ZMYND8: variants seen among roughly 807,000 people sequenced by gnomAD.
The protein encoded by ZMYND8 is MYND-type zinc finger-containing chromatin reader ZMYND8.
ZMYND8 carries 37 observed loss-of-function variants against 140.8 expected under a neutral mutation model. The observed-to-expected ratio is 0.26, with a 90% CI of 0.20 to 0.35. ZMYND8 has a LOEUF of 0.35. ZMYND8 is among the 10% of genes least tolerant of loss of function. ZMYND8 has a pLI of 1.00. For synonymous variants in ZMYND8, 592 were observed against 597.1 expected (o/e 0.99, Z 0.12); for missense variants, 1,068 against 1,570.0 (o/e 0.68, Z 5.40).
At chr20:47,213,712 G>C (rs2035630979) in intron 21 of ZMYND8, among the ~76,000 whole-genome samples, 1 of 152,254 alleles carries the variant, frequency 6.6e-6, no homozygotes, top group Admixed American at 6.5e-5. Flanking sequence ...AAGGAGGCAA[G>C]TGTTTCACTG....
At chr20:47,281,951 C>A (rs1002300304) in intron 10 of ZMYND8, 151 bp downstream of exon 10, 3 of 681,058 alleles carry the variant, frequency 4.4e-6, no homozygotes, top group African/African-American at 3.7e-5. Context: ...GCTTAACATA[C>A]CACAGGAAAT....
intron 14 of ZMYND8, among the ~76,000 whole-genome samples, chr20:47,245,793 G>C (rs2040496517): frequency 6.6e-6 from 1 of 152,190 alleles, no homozygotes; most frequent in Non-Finnish European, 1.5e-5. Flanking sequence ...CAGGTTAAAG[G>C]TAGGCAGGCC....
chr20:47,278,361 A>C (rs1158739757), intron 10 of ZMYND8, among the ~76,000 whole-genome samples: 1 of 152,264 alleles, frequency 6.6e-6, no homozygotes, highest in Non-Finnish European at 1.5e-5. Context: ...GGGACTTTGC[A>C]GAAGCAGAAA....
chr20:47,210,113 T>TA lies in ZMYND8; in HGVS notation c.*647dup, dbSNP rs1442764170. ...ATCATTTCAATCACATGAAAGAAAC[T>TA]AGCTTCTCCCTGTGTCCGTCTGGTC... On this transcript the variant is annotated 3_prime_UTR_variant, in exon 23 of 23. Coordinates refer to ENST00000471951, the MANE Select transcript of ZMYND8 (RefSeq NM_001281775.3). 6.5e-5 allele frequency: 10 copies of TA among 152,810 alleles called. No individual in the cohort carries two copies. The highest frequency in any genetic ancestry group is 2.4e-4 in the African/African-American group (10 of 41,586). 9.5% of individuals were successfully genotyped at this position (152,810 alleles called of 1,614,324 possible).
chr20:47,286,751 G>T (rs564093699), intron 8 of ZMYND8, among the ~76,000 whole-genome samples: 23 of 152,246 alleles, frequency 1.5e-4, no homozygotes, highest in South Asian at 6.2e-4. Context: ...CGCCTAAGAG[G>T]TCTGTTCCAT....
At chr20:47,228,844 T>C (rs2038074938) in intron 17 of ZMYND8, among the ~76,000 whole-genome samples, 1 of 152,150 alleles carries the variant, frequency 6.6e-6, no homozygotes, top group Non-Finnish European at 1.5e-5. Flanking sequence ...TCATTTCACC[T>C]GATAACCCGT....
rs184982937 is a variant in ZMYND8 at position 47,263,611 on chromosome 20, G to A, written c.1481-1183C>T. On this transcript the variant is annotated intron_variant, in intron 11 of 22. Transcript: ENST00000471951. Reference sequence around the variant, plus strand: ...AAAGACTCCAGAAGTAAAGAGGCCTGGATTCAAGCACAGATTAGAAGCCAG... The same window carrying A: ...AAAGACTCCAGAAGTAAAGAGGCCTAGATTCAAGCACAGATTAGAAGCCAG... 8.5e-5 allele frequency among the ~76,000 whole-genome samples: 13 copies of A among 152,304 alleles called. No individual in the cohort carries two copies. In the East Asian group the frequency reaches 2.5e-3, roughly 29 times the overall value.
At chr20:47,281,392 CTGAT>C (rs1221682412) in intron 10 of ZMYND8, among the ~76,000 whole-genome samples, 1 of 152,212 alleles carries the variant, frequency 6.6e-6, no homozygotes, top group Non-Finnish European at 1.5e-5. Flanking sequence ...CTTTCTCAAA[CTGAT>C]TGGTAGGGCT....
At chr20:47,319,028 G>A (rs769066968) in intron 2 of ZMYND8, 2 of 1,351,156 alleles carry the variant, frequency 1.5e-6, no homozygotes, top group Admixed American at 3.8e-5. Flanking sequence ...ACCCACAGCA[G>A]ACATTCCTGC....
chr20:47,214,971 T>G (rs2035863435), intron 21 of ZMYND8, among the ~76,000 whole-genome samples: 1 of 152,172 alleles, frequency 6.6e-6, no homozygotes, highest in African/African-American at 2.4e-5. Context: ...TGATCCCAGC[T>G]ACTCAAGAGG....
intron 5 of ZMYND8, among the ~76,000 whole-genome samples, chr20:47,293,824 C>T (rs772629731): frequency 2.0e-5 from 3 of 152,168 alleles, no homozygotes; most frequent in Non-Finnish European, 4.4e-5. Flanking sequence ...CCCTACATGT[C>T]AAGGGAGGAA....
intron 2 of ZMYND8, among the ~76,000 whole-genome samples, chr20:47,328,694 C>T (rs1286163687): frequency 6.6e-6 from 1 of 152,124 alleles, no homozygotes; most frequent in Non-Finnish European, 1.5e-5. Flanking sequence ...GAACTCCTGA[C>T]CTCAGGTAAT....
chr20:47,240,879 T>G lies in ZMYND8; in HGVS notation c.2285-1741A>C, dbSNP rs760621058. Reference sequence around the variant, plus strand: ...TATTTTATTTTATGTTTTAAAGAGATAGAGTTTTGCTATATCACCCCGGCT... The same window carrying G: ...TATTTTATTTTATGTTTTAAAGAGAGAGAGTTTTGCTATATCACCCCGGCT... On this transcript the variant is annotated intron_variant, in intron 14 of 22. Transcript: ENST00000471951. 1.0e-3 allele frequency among the ~76,000 whole-genome samples: 157 copies of G among 152,084 alleles called. 1 individual carries two copies. The highest frequency in any genetic ancestry group is 6.9e-4 in the Non-Finnish European group (47 of 67,998).
intron 11 of ZMYND8, among the ~76,000 whole-genome samples, chr20:47,269,752 A>G (rs2147695225): frequency 6.6e-6 from 1 of 152,330 alleles, no homozygotes; most frequent in Non-Finnish European, 1.5e-5. Flanking sequence ...AGGCAGAGTG[A>G]ATGATTCACG....
intron 2 of ZMYND8, among the ~76,000 whole-genome samples, chr20:47,342,705 G>A (rs941312959): frequency 5.3e-5 from 8 of 151,852 alleles, no homozygotes; most frequent in South Asian, 2.1e-4. Context: ...AAAATTAGCC[G>A]GGCATGGTGA....
At chr20:47,313,598 G>A (rs185869268) in intron 2 of ZMYND8, among the ~76,000 whole-genome samples, 5 of 151,722 alleles carry the variant, frequency 3.3e-5, no homozygotes, top group African/African-American at 1.2e-4. Flanking sequence ...CTCCAACCTG[G>A]GCAACAGAGG....
At chr20:47,315,867 A>T (rs2079350678) in intron 2 of ZMYND8, among the ~76,000 whole-genome samples, 1 of 152,008 alleles carries the variant, frequency 6.6e-6, no homozygotes, top group Admixed American at 6.6e-5. Flanking sequence ...CCCAAAAATG[A>T]GTGGTTCTGA....
chr20:47,233,373 C>T (rs2038804638), intron 16 of ZMYND8, among the ~76,000 whole-genome samples: 1 of 152,056 alleles, frequency 6.6e-6, no homozygotes, highest in South Asian at 2.1e-4. Flanking sequence ...CCAGGCCCAG[C>T]TAATTTTTTT....
At chr20:47,301,553 T>C (rs1454667588) in intron 3 of ZMYND8, among the ~76,000 whole-genome samples, 2 of 152,144 alleles carry the variant, frequency 1.3e-5, no homozygotes, top group African/African-American at 2.4e-5. Context: ...CAATATTTTT[T>C]TCATGTTACA....
Sources: allele counts gnomAD v4.1 joint callset (sites outside exome capture counted in the v4.1 genomes callset), GRCh38; gene constraint gnomAD v4.1.1; transcripts MANE v1.5; gene names NCBI Gene and HGNC (gene_info 2026-07-23, HGNC 2026-07-21).